The following TG variants were observed in gnomAD, a reference collection of about 807,000 sequenced individuals.
TG encodes thyroglobulin, also known as thyroid hormones.
A neutral mutation model predicts 324.7 loss-of-function variants in TG; 270 were observed. The observed-to-expected ratio is 0.83, with a 90% confidence interval of 0.75 to 0.92. The LOEUF (loss-of-function observed/expected upper bound fraction) is 0.92, where lower values mean the gene tolerates loss of function less well. Ranked by LOEUF, TG falls within the 40% of genes least tolerant of loss-of-function variation. The pLI is 0.00. For synonymous variants in TG, 1,401 were observed against 1,327.0 expected (o/e 1.06, Z -1.21); for missense variants, 3,591 against 3,456.4 (o/e 1.04, Z -0.98).
At chr8:132,918,020 G>T (rs903319885) in intron 20 of TG, among the ~76,000 whole-genome samples, 1 of 151,830 alleles carries the variant, frequency 6.6e-6, no homozygotes, top group South Asian at 2.1e-4. Flanking sequence ...CCTATTGGTG[G>T]CAGTGGACCC....
chr8:133,069,084 C>T (rs1011014593), intron 41 of TG, among the ~76,000 whole-genome samples: 1 of 152,230 alleles, frequency 6.6e-6, no homozygotes, highest in South Asian at 2.1e-4. Context: ...CTTTTCTTTT[C>T]ATTTCAAATG....
rs145329562 is a variant in TG at position 133,024,818 on chromosome 8, C to T, written c.7036+2668C>T. ...CTTTATCCAGTCTATCAGTGATGGG[C>T]GTTTGGGTTGGTTCCAAGTCTTTGC... On this transcript the variant is annotated intron_variant, in intron 40 of 47. Transcript: ENST00000220616. Among the ~76,000 whole-genome samples, 1,296 of 152,114 alleles carry T rather than the reference C, an allele frequency of 8.5e-3. 17 individuals are homozygous for T. Among genetic ancestry groups the T allele is most frequent in the African/African-American group, 0.026 (1,073 of 41,490 alleles).
In TG at chr8:133,011,399, G is replaced by T. The variant is rs567150851; in HGVS notation, c.6263-502G>T. On this transcript the variant is annotated intron_variant, in intron 35 of 47. Coordinates refer to ENST00000220616, the MANE Select transcript of TG (RefSeq NM_003235.5). The stretch of plus-strand genomic sequence containing the variant: ...TTGGGGAAATGAGAGCCTTGGTCCT[G>T]CAGGGGGGTCTCAGTACTGCAGGGG... 2.1e-5 allele frequency among the ~76,000 whole-genome samples: 3 copies of T among 141,734 alleles called. No homozygotes were observed. In the East Asian group the frequency reaches 5.8e-4, roughly 27 times the overall value. The allele number at this position is 141,734 out of a possible 152,430, so 93.0% of individuals were successfully genotyped here. A position where few individuals can be genotyped will look rare whatever the true frequency, so the allele number is the denominator to read the frequency against.
At chr8:133,106,654 C>T (rs1484846153) in intron 43 of TG, among the ~76,000 whole-genome samples, 1 of 152,190 alleles carries the variant, frequency 6.6e-6, no homozygotes, top group Non-Finnish European at 1.5e-5. Flanking sequence ...CGCTGCCTAA[C>T]CCAGCTCCCT....
Position 133,041,889 on chromosome 8 carries a change from G to A in TG, c.7239+11866G>A, listed in dbSNP as rs576438036. Among the ~76,000 whole-genome samples the A allele has an allele frequency of 4.7e-5, 7 of 150,364 alleles. No individual in the cohort carries two copies. In the East Asian group the frequency reaches 1.4e-3, roughly 30 times the overall value. ...TGCAACCTCTGCCTCCCAGGTTCAA[G>A]TGATTCTCTTGCCTCAGACTCCCGA... On this transcript the variant is annotated intron_variant, in intron 41 of 47. Transcript: ENST00000220616.
intron 41 of TG, chr8:133,044,857 G>A (rs2256366): frequency 0.17 from 149,930 of 878,576 alleles, 17,877 homozygotes; most frequent in East Asian, 0.5. Context: ...ATTAACGAGA[G>A]AGCATATCAT....
intron 30 of TG, 104 bp from the exon 31 acceptor site, chr8:132,967,690 G>A (rs2130465769): frequency 7.7e-7 from 1 of 1,304,974 alleles, no homozygotes; most frequent in East Asian, 2.4e-5. Flanking sequence ...CCCTAACTAG[G>A]AGGGATCTCT....
At chr8:133,078,953 G>A (rs112014521) in intron 41 of TG, among the ~76,000 whole-genome samples, 3,683 of 152,210 alleles carry the variant, frequency 0.024, 155 homozygotes, top group African/African-American at 0.084. Flanking sequence ...TCGGTAGGGA[G>A]GGGGCCAGTA....
chr8:132,887,899 T>A, intron 9 of TG, 85 bp from the exon 10 acceptor site: 1 of 1,271,608 alleles, frequency 7.9e-7, no homozygotes, highest in East Asian at 2.5e-5. Context: ...TTAGACGGAG[T>A]TTGGACAGTT....
At chr8:133,000,578 G>A (rs1262445623) in intron 35 of TG, among the ~76,000 whole-genome samples, 1 of 152,242 alleles carries the variant, frequency 6.6e-6, no homozygotes, top group Non-Finnish European at 1.5e-5. Flanking sequence ...CCACCTCTTA[G>A]AGCAGGAGTG....
In TG at chr8:133,096,308, G is replaced by A. The variant is rs1848403904; in HGVS notation, c.7507G>A (p.Glu2503Lys). ...AGCACTGAAGAGGTCTTTATGGGTA[G>A]AGGTCGATCTGCTCATTGGGAGTTC... Reference protein sequence around the residue: ...ARALKRSLWVEVDLLIGSSQD... With the variant: ...ARALKRSLWVKVDLLIGSSQD... The change falls in exon 43 of 48, where the codon GAG becomes AAG. Residue 2503 changes from glutamate to lysine, a missense_variant. Physicochemically the swap from Glu to Lys is moderately conservative, Grantham distance 56. Transcript: ENST00000220616. The A allele has an allele frequency of 6.2e-7, 1 of 1,614,192 alleles. No individual in the cohort carries two copies. The highest frequency in any genetic ancestry group is 8.5e-7 in the Non-Finnish European group (1 of 1,180,040).
At chr8:132,948,101 G>T (rs1455375722) in intron 26 of TG, among the ~76,000 whole-genome samples, 1 of 152,210 alleles carries the variant, frequency 6.6e-6, no homozygotes, top group Non-Finnish European at 1.5e-5. Context: ...TATGTCCAAA[G>T]ACGAGGAGCT....
intron 28 of TG, among the ~76,000 whole-genome samples, chr8:132,962,272 T>C (rs2130362052): frequency 6.6e-6 from 1 of 152,164 alleles, no homozygotes; most frequent in South Asian, 2.1e-4. Context: ...AATGTAGGCC[T>C]AAAGAGGGGG....
intron 3 of TG, among the ~76,000 whole-genome samples, chr8:132,870,483 G>A (rs1839383191): frequency 6.6e-6 from 1 of 150,792 alleles, no homozygotes; most frequent in Non-Finnish European, 1.5e-5. Flanking sequence ...CATGAATATA[G>A]CATCTGCCTT....
intron 35 of TG, among the ~76,000 whole-genome samples, chr8:132,997,544 G>A (rs897156828): frequency 6.6e-6 from 1 of 152,104 alleles, no homozygotes; most frequent in Non-Finnish European, 1.5e-5. Flanking sequence ...CTGGAGACAG[G>A]GGAGGCACAC....
intron 43 of TG, among the ~76,000 whole-genome samples, chr8:133,110,841 C>T (rs760075435): frequency 1.3e-5 from 2 of 152,194 alleles, no homozygotes; most frequent in Non-Finnish European, 1.5e-5. Context: ...GGCCATTGCA[C>T]CTTGCACTGA....
chr8:133,065,331 A>G (rs1290355850), intron 41 of TG, among the ~76,000 whole-genome samples: 1 of 152,240 alleles, frequency 6.6e-6, no homozygotes, highest in East Asian at 1.9e-4. Context: ...AGGAAGAGCT[A>G]AAGCTGGGAT....
intron 35 of TG, chr8:132,983,629 G>A: frequency 1.6e-6 from 1 of 612,086 alleles, no homozygotes; most frequent in Non-Finnish European, 2.9e-6. Context: ...GAAATGATTT[G>A]TGGAAATTAT....
chr8:133,056,465 C>T (rs1440647151), intron 41 of TG, among the ~76,000 whole-genome samples: 1 of 152,154 alleles, frequency 6.6e-6, no homozygotes, highest in Non-Finnish European at 1.5e-5. Flanking sequence ...CGAGACGAGC[C>T]CATCCTCTTC....
Sources: allele counts gnomAD v4.1 joint callset (sites outside exome capture counted in the v4.1 genomes callset), GRCh38; gene constraint gnomAD v4.1.1; transcripts MANE v1.5; gene names NCBI Gene and HGNC (gene_info 2026-07-23, HGNC 2026-07-21).